The following KIF4A variants were observed in gnomAD, a reference collection of about 807,000 sequenced individuals.
The protein encoded by KIF4A is kinesin family member 4A, also known as chromosome-associated kinesin KIF4A.
In KIF4A, 7 loss-of-function variants were observed where a neutral mutation model predicts 105.9. The ratio of observed to expected loss-of-function variants is 0.07; its 90% CI spans 0.04 to 0.12. KIF4A has a LOEUF of 0.12. Among genes scored for constraint, KIF4A ranks in the 10% least tolerant of loss-of-function variants. The pLI is 1.00. For missense variants in KIF4A, 558 were observed against 929.2 expected (o/e 0.60, Z 5.19); for synonymous variants, 281 against 331.3 (o/e 0.85, Z 1.65).
chrX:70,371,869 G>T (rs1602782001), intron 15 of KIF4A, among the ~76,000 whole-genome samples: 2 of 99,791 alleles, frequency 2.0e-5, no homozygotes, highest in Admixed American at 2.1e-4. Context: ...CGGGTGGAGG[G>T]GCTCCTCACT....
intron 3 of KIF4A, among the ~76,000 whole-genome samples, chrX:70,292,218 AT>A (rs1409449232): frequency 8.9e-6 from 1 of 112,078 alleles, no homozygotes; most frequent in African/African-American, 3.2e-5. Flanking sequence ...GCACTGCTAC[AT>A]TACTACCATC....
At chrX:70,330,018 A>G in intron 8 of KIF4A, 139 bp from the exon 9 acceptor site, 1 of 455,950 alleles carries the variant, frequency 2.2e-6, no homozygotes, top group South Asian at 4.8e-5. Flanking sequence ...TACATTTCCT[A>G]TTATTTCAAT....
Position 70,420,293 on chromosome X carries a change from T to G in KIF4A, c.*28T>G. 8.5e-7 allele frequency: 1 copy of G among 1,180,653 alleles called. No homozygotes were observed. The highest frequency in any genetic ancestry group is 1.1e-6 in the Non-Finnish European group (1 of 882,330). ...TTGGAGTCATCATCTCTACCCCCAGTCTGGCTTGGGAGATGCTTTCAGGTT... is the reference window on the plus strand; with the variant it reads ...TTGGAGTCATCATCTCTACCCCCAGGCTGGCTTGGGAGATGCTTTCAGGTT... On this transcript the variant is annotated 3_prime_UTR_variant, in exon 31 of 31. Transcript: ENST00000374403.
In KIF4A at chrX:70,349,427, G is replaced by A. The variant is rs1477066785; in HGVS notation, c.1432-3173G>A. ...ACACTCCCTACTTCCCAGATGGGGC[G>A]GCCGGGCAGAGGCGCTCCCCACTTC... On this transcript the variant is annotated intron_variant, in intron 13 of 30. Coordinates refer to ENST00000374403, the MANE Select transcript of KIF4A (RefSeq NM_012310.5). 1.8e-3 allele frequency among the ~76,000 whole-genome samples: 179 copies of A among 98,288 alleles called. 2 individuals carry two copies. Among genetic ancestry groups the A allele is most frequent in the Non-Finnish European group, 2.9e-3 (141 of 48,682 alleles). 85.4% of individuals were successfully genotyped at this position (98,288 alleles called of 115,157 possible). A position where few individuals can be genotyped will look rare whatever the true frequency, so the allele number is the denominator to read the frequency against.
At chrX:70,390,945 GT>G (rs2086235526) in intron 20 of KIF4A, among the ~76,000 whole-genome samples, 1 of 112,063 alleles carries the variant, frequency 8.9e-6, no homozygotes, top group Non-Finnish European at 1.9e-5. Context: ...GCGTGTTTTT[GT>G]TGTTGTTGTT....
At chrX:70,353,104 A>G (rs2086037766) in intron 14 of KIF4A, among the ~76,000 whole-genome samples, 1 of 112,506 alleles carries the variant, frequency 8.9e-6, no homozygotes, top group Non-Finnish European at 1.9e-5. Context: ...GATCACAAGG[A>G]TAGATAAAAT....
Position 70,333,620 on chromosome X carries a change from T to G in KIF4A, c.1072-8T>G, listed in dbSNP as rs181578540. On this transcript the variant is annotated splice_region_variant and splice_polypyrimidine_tract_variant and intron_variant, in intron 9 of 30. Coordinates refer to ENST00000374403, the MANE Select transcript of KIF4A (RefSeq NM_012310.5). ...GACTAGCTGATTATTTTTCTTTGCT[T>G]CTCCCAGGTACAACAGCTACAAGTC... 6.7e-6 allele frequency: 8 copies of G among 1,193,269 alleles called. No individual in the cohort carries two copies. In the African/African-American group the frequency reaches 1.1e-4, roughly 16 times the overall value.
At chrX:70,296,394 A>G (rs1328317428) in intron 3 of KIF4A, among the ~76,000 whole-genome samples, 2 of 111,722 alleles carry the variant, frequency 1.8e-5, no homozygotes, top group East Asian at 2.8e-4. Flanking sequence ...TCATTAATGG[A>G]TGATTCTTTA....
intron 15 of KIF4A, among the ~76,000 whole-genome samples, chrX:70,356,735 C>T (rs1010041111): frequency 7.1e-5 from 8 of 112,021 alleles, no homozygotes; most frequent in African/African-American, 2.6e-4. Context: ...AATTATGTTA[C>T]ATTTTTTAGA....
intron 7 of KIF4A, among the ~76,000 whole-genome samples, chrX:70,324,468 C>T (rs1297216402): frequency 1.8e-5 from 2 of 111,729 alleles, no homozygotes; most frequent in Admixed American, 1.9e-4. Flanking sequence ...TTTATACATT[C>T]TCTTCTCTCA....
At position 70,387,168 on chromosome X, in the gene KIF4A, T is replaced by C. The variant is rs1350779183; in HGVS notation, c.2119-16T>C. 8.4e-6 allele frequency: 9 copies of C among 1,065,278 alleles called. No homozygotes were observed. The Admixed American group carries it at 2.4e-4, about 29-fold the overall frequency. 87.8% of individuals were successfully genotyped at this position (1,065,278 alleles called of 1,213,427 possible). A position where few individuals can be genotyped will look rare whatever the true frequency, so the allele number is the denominator to read the frequency against. ...TTACCATTCATTCAACATTACTATG[T>C]GCCAATTTTATTTAGGCAGCAGCTG... is the stretch of plus-strand genomic sequence containing the variant. On this transcript the variant is annotated splice_polypyrimidine_tract_variant and intron_variant, in intron 19 of 30. Coordinates refer to ENST00000374403, the MANE Select transcript of KIF4A (RefSeq NM_012310.5).
chrX:70,404,807 C>T lies in KIF4A; in HGVS notation c.2883C>T (p.Ser961=). The stretch of plus-strand genomic sequence containing the variant: ...GTGAAAAGGAACAGCAGCTGCTGAG[C>T]ACACTGAAGTGTCAGGTATGATCAC... ...SVSEKEQQLL[S]TLKCQDEELE... Residue 961 remains serine, a synonymous_variant, in exon 25 of 31, where the codon AGC becomes AGT. Coordinates refer to ENST00000374403, the MANE Select transcript of KIF4A (RefSeq NM_012310.5). 8.4e-7 allele frequency: 1 copy of T among 1,187,761 alleles called. No homozygotes were observed. Among genetic ancestry groups the T allele is most frequent in the South Asian group, 1.8e-5 (1 of 55,139 alleles).
intron 28 of KIF4A, among the ~76,000 whole-genome samples, chrX:70,416,306 T>C (rs763016952): frequency 1.8e-5 from 2 of 108,140 alleles, no homozygotes; most frequent in East Asian, 5.7e-4. Context: ...TCACAGAGCT[T>C]GCTTACACCT....
Position 70,406,906 on chromosome X carries a change from G to T in KIF4A, c.3086G>T (p.Arg1029Leu), listed in dbSNP as rs772278137. 2 of 1,211,306 alleles carry T rather than the reference G, an allele frequency of 1.7e-6. No individual in the cohort carries two copies. The highest frequency in any genetic ancestry group is 2.2e-6 in the Non-Finnish European group (2 of 895,406). ...CTTTTTTCCTAGCCAAAACCTTCTC[G>T]TGTTAAAGAAAAGTTCCTGGAGCAA... ...EYVPPKPKPS[R>L]VKEKFLEQSM... Residue 1029 changes from arginine to leucine, a missense_variant, in exon 28 of 31, where the codon CGT becomes CTT. Around this residue, in one of 2 missense-constraint regions of KIF4A, gnomAD observed 469 missense variants for 680.4 expected, o/e 0.69. Transcript: ENST00000374403.
chrX:70,328,007 A>T (rs888183256), intron 7 of KIF4A, among the ~76,000 whole-genome samples: 5 of 111,708 alleles, frequency 4.5e-5, no homozygotes, highest in Non-Finnish European at 9.4e-5. Flanking sequence ...GGTAGTCCAA[A>T]AAAAGGGTGA....
At chrX:70,404,057 G>A (rs905533212) in intron 24 of KIF4A, 23 bp downstream of exon 24, 1 of 1,198,185 alleles carries the variant, frequency 8.3e-7, no homozygotes, top group Non-Finnish European at 1.1e-6. Context: ...AAGTCAAGAA[G>A]CTATACTGTG....
chrX:70,368,371 T>G (rs1255212080), intron 15 of KIF4A, among the ~76,000 whole-genome samples: 2 of 111,984 alleles, frequency 1.8e-5, no homozygotes, highest in Non-Finnish European at 3.8e-5. Flanking sequence ...TTCCCCACCT[T>G]TGTGGTTTTT....
intron 16 of KIF4A, among the ~76,000 whole-genome samples, 196 bp downstream of exon 16, chrX:70,374,450 A>G (rs1465503080): frequency 8.9e-6 from 1 of 112,231 alleles, no homozygotes; most frequent in Non-Finnish European, 1.9e-5. Flanking sequence ...AAAGAATGTC[A>G]TAACACAGCA....
At chrX:70,369,134 A>T (rs1323126163) in intron 15 of KIF4A, among the ~76,000 whole-genome samples, 1 of 112,336 alleles carries the variant, frequency 8.9e-6, no homozygotes, top group Non-Finnish European at 1.9e-5. Flanking sequence ...CCGATTTTCC[A>T]GGTGCCGTCT....
Sources: gnomAD v4.1 joint callset for allele counts (sites outside exome capture counted in the v4.1 genomes callset) on GRCh38, gnomAD v4.1.1 for gene constraint, gnomAD v4.1.1 regional missense constraint, MANE v1.5 for transcripts, NCBI Gene and HGNC (gene_info 2026-07-23, HGNC 2026-07-21) for gene names.